The following SUPT3H variants were observed in gnomAD, a reference collection of about 807,000 sequenced individuals.
The protein encoded by SUPT3H is transcription initiation protein SPT3 homolog.
A neutral mutation model predicts 44.3 loss-of-function variants in SUPT3H; 44 were observed. The ratio of observed to expected loss-of-function variants is 0.99; its 90% confidence interval spans 0.78 to 1.28. The LOEUF is 1.28. Among genes scored for constraint, SUPT3H ranks in the 50% most tolerant of loss-of-function variants. The probability of loss-of-function intolerance (pLI) is 0.00; values close to 1 mark genes in which losing one functional copy is unlikely to be tolerated. For synonymous variants in SUPT3H, 124 were observed against 125.6 expected (o/e 0.99, Z 0.09); for missense variants, 380 against 387.1 (o/e 0.98, Z 0.15).
At chr6:45,261,068 C>G (rs753508022) in intron 2 of SUPT3H, among the ~76,000 whole-genome samples, 1 of 151,818 alleles carries the variant, frequency 6.6e-6, no homozygotes, top group Non-Finnish European at 1.5e-5. Context: ...TTTTTTAAAA[C>G]CCTACCAATC....
Position 45,179,270 on chromosome 6 carries a change from TG to T in SUPT3H, c.102-73265del, listed in dbSNP as rs1584068756. Among the ~76,000 whole-genome samples the T allele has an allele frequency of 2.0e-5, 3 of 152,252 alleles. No individual in the cohort carries two copies. The East Asian group carries it at 5.8e-4, about 29-fold the overall frequency. ...CAACCAAAAAGAGTCCAGGACCAGA[TG>T]GATTCACAGCCGAATTCTATCAGAG... is the stretch of plus-strand genomic sequence containing the variant. On this transcript the variant is annotated intron_variant, in intron 2 of 10. Coordinates refer to ENST00000371459, the MANE Select transcript of SUPT3H (RefSeq NM_003599.4).
intron 2 of SUPT3H, among the ~76,000 whole-genome samples, chr6:45,179,344 T>C (rs535115303): frequency 3.0e-4 from 46 of 151,964 alleles, no homozygotes; most frequent in Admixed American, 1.8e-3. Flanking sequence ...TTCCAATCAA[T>C]AGAAAAAGAG....
rs57919579 is a variant in SUPT3H, at chr6:45,016,060, T to C, written c.274-1169A>G. Among the ~76,000 whole-genome samples the C allele has an allele frequency of 3.1e-3, 479 of 152,178 alleles. 19 individuals are homozygous for C. The East Asian group carries it at 0.073, about 23-fold the overall frequency. On this transcript the variant is annotated intron_variant, in intron 4 of 10. Coordinates refer to ENST00000371459, the MANE Select transcript of SUPT3H (RefSeq NM_003599.4). Reference sequence around the variant, plus strand: ...TTATAAATACATAAACAAGTAACAATCATTTATTATCTTTATCAAGTATTA... The same window carrying C: ...TTATAAATACATAAACAAGTAACAACCATTTATTATCTTTATCAAGTATTA...
At chr6:45,240,729 G>T (rs574651384) in intron 2 of SUPT3H, among the ~76,000 whole-genome samples, 3 of 152,246 alleles carry the variant, frequency 2.0e-5, no homozygotes, top group Admixed American at 2.0e-4. Flanking sequence ...ACAATCAGAT[G>T]GTAGAAACAG....
At chr6:45,254,930 C>G (rs1037505899) in intron 2 of SUPT3H, among the ~76,000 whole-genome samples, 4 of 152,182 alleles carry the variant, frequency 2.6e-5, no homozygotes, top group Non-Finnish European at 5.9e-5. Context: ...TCCAGCAGAT[C>G]TACACTATAT....
At chr6:44,984,770 C>T (rs995500224) in intron 6 of SUPT3H, among the ~76,000 whole-genome samples, 7 of 152,168 alleles carry the variant, frequency 4.6e-5, no homozygotes, top group Middle Eastern at 6.8e-3. Context: ...GTTTTAATTA[C>T]CATAAGGACA....
chr6:45,093,568 G>C (rs1050198816), intron 3 of SUPT3H, among the ~76,000 whole-genome samples: 2 of 151,940 alleles, frequency 1.3e-5, no homozygotes, highest in African/African-American at 4.8e-5. Flanking sequence ...GAGGAGAAAA[G>C]AAAAACTGAT....
chr6:44,978,081 T>G (rs1487089289), intron 6 of SUPT3H, among the ~76,000 whole-genome samples: 1 of 152,200 alleles, frequency 6.6e-6, no homozygotes, highest in Non-Finnish European at 1.5e-5. Flanking sequence ...TATTACATAT[T>G]CCACTAACTT....
Position 45,014,781 on chromosome 6 carries a change from T to C in SUPT3H, c.364+20A>G. On this transcript the variant is annotated intron_variant, in intron 5 of 10. Transcript: ENST00000371459. ...TGTGTCATAAGCTCATGTTTTAGTT[T>C]TGTGTTTTGTTTTGGTTACCTTCGA... 2.0e-6 allele frequency: 3 copies of C among 1,532,142 alleles called. No homozygotes were observed. The highest frequency in any genetic ancestry group is 2.6e-6 in the Non-Finnish European group (3 of 1,139,394). 94.9% of individuals were successfully genotyped at this position (1,532,142 alleles called of 1,614,324 possible). A position where few individuals can be genotyped will look rare whatever the true frequency, so the allele number is the denominator to read the frequency against.
At chr6:44,960,086 A>T (rs1297529384) in intron 7 of SUPT3H, among the ~76,000 whole-genome samples, 2 of 152,196 alleles carry the variant, frequency 1.3e-5, no homozygotes, top group Admixed American at 1.3e-4. Flanking sequence ...TACACTGTTT[A>T]TACTATAGTT....
At chr6:45,142,736 C>CAAAAAAAAAAAAAAAAAAAAAAA (rs70993502) in intron 2 of SUPT3H, among the ~76,000 whole-genome samples, 1 of 14,960 alleles carries the variant, frequency 6.7e-5, no homozygotes, top group Non-Finnish European at 1.1e-4. Flanking sequence ...AACTCCGTCT[C>CAAAAAAAAAAAAAAAAAAAAAAA]AAAAAAAAAA....
chr6:45,207,675 C>CT (rs1763407935), intron 2 of SUPT3H, among the ~76,000 whole-genome samples: 1 of 152,108 alleles, frequency 6.6e-6, no homozygotes, highest in South Asian at 2.1e-4. Flanking sequence ...AGTTTCGCAC[C>CT]TGTTATAGTG....
intron 2 of SUPT3H, among the ~76,000 whole-genome samples, chr6:45,347,337 T>C (rs779811687): frequency 3.3e-5 from 5 of 152,190 alleles, no homozygotes; most frequent in Non-Finnish European, 5.9e-5. Flanking sequence ...GATTTTAAGA[T>C]GTATTTCCTT....
At chr6:45,376,279 T>C (rs1207005968) in intron 1 of SUPT3H, among the ~76,000 whole-genome samples, 1 of 152,206 alleles carries the variant, frequency 6.6e-6, no homozygotes, top group African/African-American at 2.4e-5. Context: ...CAATTCCCTA[T>C]GGCAATAAAT....
intron 10 of SUPT3H, among the ~76,000 whole-genome samples, chr6:44,900,675 T>C (rs1015459310): frequency 6.6e-6 from 1 of 152,188 alleles, no homozygotes; most frequent in African/African-American, 2.4e-5. Flanking sequence ...AAGAGAGTAG[T>C]GGTTCTCCCA....
intron 2 of SUPT3H, among the ~76,000 whole-genome samples, chr6:45,255,549 G>A (rs1416639529): frequency 6.7e-6 from 1 of 149,646 alleles, no homozygotes; most frequent in Non-Finnish European, 1.5e-5. Flanking sequence ...AGCTTCCCAA[G>A]TACCTGGGAC....
chr6:45,114,834 T>C (rs1210187829), intron 2 of SUPT3H, among the ~76,000 whole-genome samples: 2 of 152,156 alleles, frequency 1.3e-5, no homozygotes, highest in African/African-American at 2.4e-5. Context: ...AAAGATTACG[T>C]AGTCCTTTCA....
At chr6:45,267,751 T>C (rs1775489865) in intron 2 of SUPT3H, among the ~76,000 whole-genome samples, 1 of 152,110 alleles carries the variant, frequency 6.6e-6, no homozygotes. Flanking sequence ...GTTAAGAGCC[T>C]AGGCCTTACA....
intron 2 of SUPT3H, among the ~76,000 whole-genome samples, chr6:45,316,370 T>C (rs980196377): frequency 2.6e-5 from 4 of 151,374 alleles, no homozygotes; most frequent in Non-Finnish European, 4.4e-5. Context: ...ATCAGGGGGA[T>C]GTCTATGTTG....
Sources: gnomAD v4.1 joint callset for allele counts (sites outside exome capture counted in the v4.1 genomes callset) on GRCh38, gnomAD v4.1.1 for gene constraint, MANE v1.5 for transcripts, NCBI Gene and HGNC (gene_info 2026-07-23, HGNC 2026-07-21) for gene names.